Variants in PDZRN3 observed in about 807,000 individuals in gnomAD.
PDZRN3 encodes the protein PDZ domain containing ring finger 3, also known as E3 ubiquitin-protein ligase PDZRN3.
Under a neutral mutation model 85.7 loss-of-function variants are expected in PDZRN3, and 38 were observed. That is an observed-to-expected ratio of 0.44 (90% CI 0.34 to 0.58). The LOEUF (loss-of-function observed/expected upper bound fraction) is 0.58, where lower values mean the gene tolerates loss of function less well. Ranked by LOEUF, PDZRN3 falls within the 20% of genes least tolerant of loss-of-function variation. PDZRN3 has a pLI of 0.01. For missense variants in PDZRN3, 1,629 were observed against 1,506.4 expected, an observed-to-expected ratio of 1.08 and a Z score of -1.35; for synonymous variants, 759 against 638.0, an observed-to-expected ratio of 1.19 and a Z score of -2.86.
chr3:73,552,231 T>C (rs1030518897), intron 3 of PDZRN3, among the ~76,000 whole-genome samples: 12 of 146,618 alleles, frequency 8.2e-5, no homozygotes, highest in Non-Finnish European at 1.4e-4. Flanking sequence ...AAGGAGTGTG[T>C]GTGTGTGTGT....
chr3:73,542,300 G>A (rs530271889), intron 3 of PDZRN3, among the ~76,000 whole-genome samples: 7 of 152,288 alleles, frequency 4.6e-5, no homozygotes, highest in African/African-American at 1.7e-4. Context: ...AGAATACAAG[G>A]ATTGTTTGTT....
intron 3 of PDZRN3, among the ~76,000 whole-genome samples, chr3:73,493,217 C>A (rs907768664): frequency 2.0e-5 from 3 of 152,064 alleles, no homozygotes; most frequent in African/African-American, 7.2e-5. Context: ...CACCCAAGGT[C>A]TCTCTAGACT....
chr3:73,596,341 C>CAATAAAG (rs1174907826), intron 3 of PDZRN3, among the ~76,000 whole-genome samples: 2 of 152,172 alleles, frequency 1.3e-5, no homozygotes, highest in African/African-American at 4.8e-5. Flanking sequence ...TCAATCATCA[C>CAATAAAG]AATAACAGAT....
At chr3:73,516,435 A>C (rs1001400869) in intron 3 of PDZRN3, among the ~76,000 whole-genome samples, 2 of 152,182 alleles carry the variant, frequency 1.3e-5, no homozygotes, top group African/African-American at 4.8e-5. Context: ...TATTTTCTTA[A>C]TTATGAATGA....
chr3:73,519,193 T>C (rs1470842113), intron 3 of PDZRN3, among the ~76,000 whole-genome samples: 1 of 151,890 alleles, frequency 6.6e-6, no homozygotes, highest in Non-Finnish European at 1.5e-5. Context: ...GGGCAGAAAG[T>C]AGGGTGGGAA....
intron 3 of PDZRN3, among the ~76,000 whole-genome samples, chr3:73,422,154 A>G (rs1269708903): frequency 6.6e-6 from 1 of 152,224 alleles, no homozygotes. Flanking sequence ...CCATTGTACT[A>G]CACTGGAACA....
chr3:73,562,727 T>G (rs1224386187), intron 3 of PDZRN3, among the ~76,000 whole-genome samples: 1 of 152,012 alleles, frequency 6.6e-6, no homozygotes, highest in Non-Finnish European at 1.5e-5. Context: ...CAGCTGTCTA[T>G]TCACTGAAAT....
intron 2 of PDZRN3, among the ~76,000 whole-genome samples, chr3:73,606,354 G>A (rs1270249987): frequency 2.0e-5 from 3 of 152,182 alleles, no homozygotes; most frequent in African/African-American, 4.8e-5. Context: ...TGTAGAACAT[G>A]GGCTCATGTT....
intron 5 of PDZRN3, among the ~76,000 whole-genome samples, chr3:73,396,925 C>T (rs528773264): frequency 1.1e-4 from 16 of 152,206 alleles, no homozygotes; most frequent in African/African-American, 3.4e-4. Context: ...ATCCCTTTAA[C>T]TCTAAGCAGT....
intron 3 of PDZRN3, among the ~76,000 whole-genome samples, chr3:73,469,810 T>C (rs1703297763): frequency 6.6e-6 from 1 of 152,240 alleles, no homozygotes; most frequent in Non-Finnish European, 1.5e-5. Context: ...CATTTTCTGA[T>C]TGGATGCACT....
In PDZRN3 at chr3:73,424,259, T is replaced by C. The variant is rs572206538; in HGVS notation, c.919-19864A>G. ...TGATAAAGAATATGCAGGCCAGGCATGGTGGCTCACGCCTGTAATCCCAGC... is the reference window on the plus strand; with the variant it reads ...TGATAAAGAATATGCAGGCCAGGCACGGTGGCTCACGCCTGTAATCCCAGC... On this transcript the variant is annotated intron_variant, in intron 3 of 9. Coordinates refer to ENST00000263666, the MANE Select transcript of PDZRN3 (RefSeq NM_015009.3). 2.0e-5 allele frequency among the ~76,000 whole-genome samples: 3 copies of C among 149,796 alleles called. No individual in the cohort carries two copies. In the East Asian group the frequency reaches 5.9e-4, roughly 30 times the overall value.
At chr3:73,468,719 A>G (rs775335344) in intron 3 of PDZRN3, among the ~76,000 whole-genome samples, 41 of 151,946 alleles carry the variant, frequency 2.7e-4, no homozygotes, top group Non-Finnish European at 5.3e-4. Flanking sequence ...CCCCACCCAA[A>G]CCCTCTCATT....
At chr3:73,400,360 C>A (rs1389711223) in intron 5 of PDZRN3, among the ~76,000 whole-genome samples, 1 of 152,180 alleles carries the variant, frequency 6.6e-6, no homozygotes, top group Non-Finnish European at 1.5e-5. Context: ...TTAACAGAGA[C>A]CTATTTGACA....
chr3:73,385,323 G>C (rs768143193), intron 9 of PDZRN3, among the ~76,000 whole-genome samples: 2 of 152,202 alleles, frequency 1.3e-5, no homozygotes. Flanking sequence ...GGGAGCTAGA[G>C]AGCTCCAAGC....
chr3:73,555,565 G>C (rs985771001), intron 3 of PDZRN3, among the ~76,000 whole-genome samples: 2 of 152,184 alleles, frequency 1.3e-5, no homozygotes, highest in African/African-American at 2.4e-5. Flanking sequence ...GTTGTCTTCA[G>C]GCTTGCTCCA....
chr3:73,427,727 T>C (rs1172642894), intron 3 of PDZRN3, among the ~76,000 whole-genome samples: 2 of 152,166 alleles, frequency 1.3e-5, no homozygotes, highest in African/African-American at 2.4e-5. Flanking sequence ...ATCCACTTGA[T>C]ACATTTCTCA....
chr3:73,410,828 A>G lies in PDZRN3; in HGVS notation c.919-6433T>C, dbSNP rs2054859. On this transcript the variant is annotated intron_variant, in intron 3 of 9. Coordinates refer to ENST00000263666, the MANE Select transcript of PDZRN3 (RefSeq NM_015009.3). ...CCTTGGTATCATCACATGAAATCTC[A>G]TTTCAAGCAATGGCATCCAAATGTC... 9.5e-3 allele frequency among the ~76,000 whole-genome samples: 1,453 copies of G among 152,318 alleles called. 97 individuals are homozygous for G. The East Asian group carries it at 0.18, about 18-fold the overall frequency.
intron 3 of PDZRN3, among the ~76,000 whole-genome samples, chr3:73,450,930 TAA>T (rs373677054): frequency 6.9e-6 from 1 of 144,210 alleles, no homozygotes; most frequent in Non-Finnish European, 1.5e-5. Flanking sequence ...TCATGCTCTT[TAA>T]AAAAAAAAAA....
chr3:73,561,372 T>C (rs960983400), intron 3 of PDZRN3: 10 of 152,214 alleles, frequency 6.6e-5, no homozygotes, highest in African/African-American at 1.9e-4. Context: ...AGCTGCATTT[T>C]TGTCCAGTGG....
Sources: gnomAD v4.1 joint callset for allele counts (sites outside exome capture counted in the v4.1 genomes callset) on GRCh38, gnomAD v4.1.1 for gene constraint, MANE v1.5 for transcripts, NCBI Gene and HGNC (gene_info 2026-07-23, HGNC 2026-07-21) for gene names.